The following LARGE1 variants were observed in gnomAD, a reference collection of about 807,000 sequenced individuals.
LARGE1 encodes LARGE xylosyl- and glucuronyltransferase 1, also known as xylosyl- and glucuronyltransferase LARGE1.
A neutral mutation model predicts 87.6 loss-of-function variants in LARGE1; 43 were observed. That is an observed-to-expected ratio of 0.49 (90% CI 0.38 to 0.63). LARGE1 has a LOEUF of 0.63. Ranked by LOEUF, LARGE1 falls within the 30% of genes least tolerant of loss-of-function variation. LARGE1 has a pLI of 0.00. For missense variants in LARGE1, 802 were observed against 1,000.2 expected (o/e 0.80, Z 2.67); for synonymous variants, 434 against 394.6 (o/e 1.10, Z -1.18).
At chr22:33,303,933 T>C (rs1180405882) in intron 12 of LARGE1, among the ~76,000 whole-genome samples, 4 of 152,038 alleles carry the variant, frequency 2.6e-5, no homozygotes, top group Non-Finnish European at 4.4e-5. Flanking sequence ...CTGAGGAGGG[T>C]ATGTTTTCAT....
At chr22:33,883,004 T>G (rs1008730852) in intron 1 of LARGE1, among the ~76,000 whole-genome samples, 1 of 152,104 alleles carries the variant, frequency 6.6e-6, no homozygotes, top group African/African-American at 2.4e-5. Flanking sequence ...ATGGGAAAAC[T>G]CATCACTTTG....
At chr22:33,782,114 A>C (rs2085442281) in intron 1 of LARGE1, among the ~76,000 whole-genome samples, 1 of 152,218 alleles carries the variant, frequency 6.6e-6, no homozygotes, top group African/African-American at 2.4e-5. Flanking sequence ...AAAGGATAGA[A>C]TTAAGTCTGG....
intron 6 of LARGE1, among the ~76,000 whole-genome samples, chr22:33,536,558 T>A (rs1302200360): frequency 1.3e-5 from 2 of 152,228 alleles, no homozygotes; most frequent in Non-Finnish European, 2.9e-5. Flanking sequence ...CAACAAGCAT[T>A]TTCAATAAAA....
intron 5 of LARGE1, among the ~76,000 whole-genome samples, chr22:33,591,873 T>TA (rs2078848874): frequency 6.8e-6 from 1 of 148,138 alleles, no homozygotes. Context: ...TTTTTTTTTT[T>TA]AAATTAGCCA....
At chr22:33,392,680 A>T (rs183558205) in intron 7 of LARGE1, among the ~76,000 whole-genome samples, 1 of 152,258 alleles carries the variant, frequency 6.6e-6, no homozygotes, top group Admixed American at 6.5e-5. Flanking sequence ...CAACAACAAC[A>T]AAAGCAAGAA....
chr22:33,304,582 C>T, intron 11 of LARGE1, 75 bp from the exon 12 acceptor site: 1 of 1,434,236 alleles, frequency 7.0e-7, no homozygotes, highest in Admixed American at 2.3e-5. Context: ...TTGTGGGGCT[C>T]TGCCTCCAGT....
At chr22:33,637,966 G>T (rs118085913) in intron 3 of LARGE1, among the ~76,000 whole-genome samples, 3 of 152,130 alleles carry the variant, frequency 2.0e-5, no homozygotes, top group Admixed American at 2.0e-4. Context: ...ATCACTGCAC[G>T]TGACAATACC....
chr22:33,531,667 T>G (rs1297511243), intron 6 of LARGE1, among the ~76,000 whole-genome samples: 1 of 152,214 alleles, frequency 6.6e-6, no homozygotes, highest in Admixed American at 6.5e-5. Flanking sequence ...AAGATCCTGA[T>G]GAACTTGGAA....
the LARGE1 span, among the ~76,000 whole-genome samples, chr22:33,104,407 C>G: frequency 6.6e-6 from 1 of 152,218 alleles, no homozygotes; most frequent in African/African-American, 2.4e-5. Context: ...GCTAAATGAG[C>G]TGCACTGATG....
At chr22:33,113,505 C>CT in the LARGE1 span, among the ~76,000 whole-genome samples, 1 of 152,350 alleles carries the variant, frequency 6.6e-6, no homozygotes, top group African/African-American at 2.4e-5. Flanking sequence ...CTGCACCCAG[C>CT]CGTCATTTAA....
At chr22:33,227,335 G>A (rs1925792490) in intron 11 of LARGE1, among the ~76,000 whole-genome samples, 1 of 152,126 alleles carries the variant, frequency 6.6e-6, no homozygotes, top group South Asian at 2.1e-4. Context: ...CACAGAGGGA[G>A]GGCCAATCCC....
intron 2 of LARGE1, among the ~76,000 whole-genome samples, chr22:33,729,971 T>C (rs979684216): frequency 2.0e-5 from 3 of 152,052 alleles, no homozygotes; most frequent in African/African-American, 4.8e-5. Flanking sequence ...AGTGTGTGTG[T>C]GCGTGTGTGC....
intron 1 of LARGE1, among the ~76,000 whole-genome samples, chr22:33,815,497 G>A (rs908045063): frequency 9.2e-5 from 14 of 152,262 alleles, no homozygotes; most frequent in Admixed American, 3.3e-4. Flanking sequence ...AAAAGCACTG[G>A]GTTGCCTTCA....
At chr22:33,434,790 CTA>C (rs2067205775) in intron 6 of LARGE1, among the ~76,000 whole-genome samples, 1 of 152,176 alleles carries the variant, frequency 6.6e-6, no homozygotes, top group African/African-American at 2.4e-5. Context: ...TGCCTGTGGT[CTA>C]ATTTCTACCT....
chr22:33,835,228 A>T (rs576368881), intron 1 of LARGE1, among the ~76,000 whole-genome samples: 9 of 152,246 alleles, frequency 5.9e-5, no homozygotes, highest in Non-Finnish European at 1.2e-4. Flanking sequence ...CTAGAGAAGC[A>T]TTCACACAAT....
intron 11 of LARGE1, among the ~76,000 whole-genome samples, chr22:33,179,675 G>C (rs886211276): frequency 6.6e-6 from 1 of 152,148 alleles, no homozygotes; most frequent in Admixed American, 6.5e-5. Context: ...TATTATTTAA[G>C]TACTTTGGGA....
chr22:33,166,435 AC>A (rs1404569936), exon 12 of LARGE1: 6 of 259,524 alleles, frequency 2.3e-5, no homozygotes, highest in African/African-American at 1.1e-4. Flanking sequence ...TAATCTTACC[AC>A]GGGGATGTTC....
chr22:33,094,120 T>C, the LARGE1 span, among the ~76,000 whole-genome samples: 4 of 152,114 alleles, frequency 2.6e-5, no homozygotes, highest in Non-Finnish European at 5.9e-5. Flanking sequence ...AGCATACTTT[T>C]GGGAAATCAT....
chr22:33,365,533 A>T (rs2064552894), intron 9 of LARGE1, among the ~76,000 whole-genome samples: 1 of 151,932 alleles, frequency 6.6e-6, no homozygotes, highest in African/African-American at 2.4e-5. Flanking sequence ...CAGATTTATC[A>T]TTCAATATTA....
Sources: gnomAD v4.1 joint callset for allele counts (sites outside exome capture counted in the v4.1 genomes callset) on GRCh38, gnomAD v4.1.1 for gene constraint, MANE v1.5 for transcripts, NCBI Gene and HGNC (gene_info 2026-07-23, HGNC 2026-07-21) for gene names.